The following BPTF variants were observed in gnomAD, a reference collection of about 807,000 sequenced individuals.
BPTF encodes bromodomain PHD finger transcription factor.
A neutral mutation model predicts 292.5 loss-of-function variants in BPTF; 18 were observed. The observed-to-expected ratio is 0.06, with a 90% confidence interval of 0.04 to 0.09. The LOEUF is 0.09. BPTF is among the 10% of genes least tolerant of loss of function. The pLI is 1.00. For missense variants in BPTF, 2,726 were observed against 3,498.7 expected (o/e 0.78, Z 5.57); for synonymous variants, 1,225 against 1,251.9 (o/e 0.98, Z 0.45).
chr17:67,943,348 G>T lies in BPTF; in HGVS notation c.6478-802G>T, dbSNP rs147131865. ...CATGGACTTTGCGCCATCAGTTTTGGTCATTGGGAGTTTAGGGGATGGTTT... is the reference window on the plus strand; with the variant it reads ...CATGGACTTTGCGCCATCAGTTTTGTTCATTGGGAGTTTAGGGGATGGTTT... On this transcript the variant is annotated intron_variant, in intron 19 of 27. Transcript: ENST00000306378. 3.5e-3 allele frequency among the ~76,000 whole-genome samples: 530 copies of T among 152,286 alleles called. 6 individuals carry two copies. The highest frequency in any genetic ancestry group is 0.012 in the African/African-American group (499 of 41,550).
At chr17:67,902,327 G>T (rs1426604498) in intron 7 of BPTF, among the ~76,000 whole-genome samples, 1 of 152,110 alleles carries the variant, frequency 6.6e-6, no homozygotes, top group Non-Finnish European at 1.5e-5. Flanking sequence ...CCTTTCAGAG[G>T]TGTATAGAAG....
chr17:67,888,678 T>C (rs2060907016), intron 4 of BPTF, among the ~76,000 whole-genome samples: 1 of 152,000 alleles, frequency 6.6e-6, no homozygotes, highest in African/African-American at 2.4e-5. Flanking sequence ...ACATTATGAA[T>C]TTAACTGCCT....
chr17:67,951,151 T>C (rs1462232138), intron 23 of BPTF: 2 of 152,162 alleles, frequency 1.3e-5, no homozygotes, highest in Non-Finnish European at 2.9e-5. Flanking sequence ...TAGTCATTAA[T>C]GATTACATCA....
At chr17:67,841,508 A>G (rs2057556257) in intron 1 of BPTF, among the ~76,000 whole-genome samples, 1 of 152,130 alleles carries the variant, frequency 6.6e-6, no homozygotes, top group Admixed American at 6.5e-5. Flanking sequence ...CTAGTGATAG[A>G]ATGACATATC....
At chr17:67,946,778 CAT>C (rs777256966) in intron 21 of BPTF, among the ~76,000 whole-genome samples, 9 of 152,178 alleles carry the variant, frequency 5.9e-5, no homozygotes, top group Admixed American at 2.0e-4. Context: ...TTTTTGAAAA[CAT>C]ATTATTTCAT....
In BPTF at chr17:67,948,075, C is replaced by T. The variant is rs1467569703; in HGVS notation, c.7701-6C>T. 6.2e-7 allele frequency: 1 copy of T among 1,609,120 alleles called. No individual in the cohort carries two copies. The highest frequency in any genetic ancestry group is 8.5e-7 in the Non-Finnish European group (1 of 1,175,924). ...AGCATTACATAGGTTGTGTATTTTTCTCTAGAATGATTGTCTGTAACCAGG... is the reference window on the plus strand; with the variant it reads ...AGCATTACATAGGTTGTGTATTTTTTTCTAGAATGATTGTCTGTAACCAGG... On this transcript the variant is annotated splice_region_variant and splice_polypyrimidine_tract_variant and intron_variant, in intron 22 of 27. Transcript: ENST00000306378.
intron 10 of BPTF, 106 bp downstream of exon 10, chr17:67,909,867 T>G (rs2062533875): frequency 5.3e-6 from 5 of 940,992 alleles, no homozygotes; most frequent in Non-Finnish European, 7.3e-6. Flanking sequence ...GATAACAGCT[T>G]TATCAAAACA....
intron 7 of BPTF, among the ~76,000 whole-genome samples, chr17:67,901,460 A>T (rs1271714002): frequency 6.6e-6 from 1 of 152,202 alleles, no homozygotes; most frequent in Non-Finnish European, 1.5e-5. Flanking sequence ...TAAAATTCTG[A>T]GTGGAAAAAT....
chr17:67,829,089 C>T (rs1485532669), intron 1 of BPTF, among the ~76,000 whole-genome samples: 1 of 149,064 alleles, frequency 6.7e-6, no homozygotes, highest in Admixed American at 6.8e-5. Flanking sequence ...AAAAATTGGT[C>T]TAATTGTTTT....
chr17:67,835,596 G>A (rs1027982914), intron 1 of BPTF, among the ~76,000 whole-genome samples: 8 of 150,120 alleles, frequency 5.3e-5, no homozygotes, highest in African/African-American at 1.7e-4. Flanking sequence ...TCCATTATTT[G>A]TTGTCCTTGG....
intron 1 of BPTF, among the ~76,000 whole-genome samples, chr17:67,849,286 T>C (rs756187584): frequency 3.9e-5 from 6 of 152,308 alleles, no homozygotes; most frequent in Admixed American, 6.5e-5. Context: ...TGCACCTCCA[T>C]TTCAGGGCAG....
intron 2 of BPTF, among the ~76,000 whole-genome samples, chr17:67,865,528 T>A (rs955594156): frequency 6.6e-6 from 1 of 152,184 alleles, no homozygotes; most frequent in African/African-American, 2.4e-5. Context: ...TGTCCACATA[T>A]CTTACAAGCA....
chr17:67,952,054 CAAAAAAA>C (rs56099409), intron 23 of BPTF, among the ~76,000 whole-genome samples: 3 of 71,386 alleles, frequency 4.2e-5, no homozygotes, highest in South Asian at 5.7e-4. Context: ...GACTCTGTCT[CAAAAAAA>C]AAAAAAAAAA....
Position 67,917,131 on chromosome 17 carries a change from C to CTTTTTTTTTTTTTTTTTTTT in BPTF, c.5304-1564_5304-1563insTTTTTTTTTTTTTTTTTTTT, listed in dbSNP as rs943348736. ...GATAAGTAACTAATATGGTATTGTC[C>CTTTTTTTTTTTTTTTTTTTT]TTTTTTTTTTTTTTTTTTTGAGATA... On this transcript the variant is annotated intron_variant, in intron 11 of 27. Coordinates refer to ENST00000306378, the MANE Select transcript of BPTF (RefSeq NM_182641.4). Among the ~76,000 whole-genome samples the CTTTTTTTTTTTTTTTTTTTT allele has an allele frequency of 8.1e-4, 86 of 105,780 alleles. 4 individuals are homozygous for CTTTTTTTTTTTTTTTTTTTT. Among genetic ancestry groups the CTTTTTTTTTTTTTTTTTTTT allele is most frequent in the African/African-American group, 1.2e-3 (32 of 27,632 alleles). The allele number at this position is 105,780 out of a possible 152,430, so 69.4% of individuals were successfully genotyped here.
In BPTF at chr17:67,909,726, T is replaced by C. The variant is rs141019552; in HGVS notation, c.2957T>C (p.Met986Thr). Residue 986 changes from methionine (M) to threonine (T), a missense_variant, in exon 10 of 28, where the codon ATG becomes ACG. Met to Thr is a moderately conservative substitution (Grantham distance 81). Around this residue, in one of 22 missense-constraint regions of BPTF, gnomAD observed 713 missense variants for 714.9 expected, o/e 1.00. Coordinates refer to ENST00000306378, the MANE Select transcript of BPTF (RefSeq NM_182641.4). ...GCAAAAGGAGCAGACCAAAATGAAA[T>C]GGATATCTCAAAGATTACTGAGAAG... is the stretch of plus-strand genomic sequence containing the variant. The part of the protein sequence containing the change: ...DAAKGADQNE[M>T]DISKITEKKD... 6.3e-7 allele frequency: 1 copy of C among 1,585,760 alleles called. No homozygotes were observed. The highest frequency in any genetic ancestry group is 1.4e-5 in the African/African-American group (1 of 73,492).
At chr17:67,863,451 A>T (rs1197580078) in intron 2 of BPTF, among the ~76,000 whole-genome samples, 1 of 151,980 alleles carries the variant, frequency 6.6e-6, no homozygotes, top group Admixed American at 6.6e-5. Flanking sequence ...TTCCTGGCCA[A>T]TTTTTTGTAT....
intron 1 of BPTF, among the ~76,000 whole-genome samples, chr17:67,834,233 T>G (rs1301315683): frequency 6.6e-6 from 1 of 152,214 alleles, no homozygotes; most frequent in Non-Finnish European, 1.5e-5. Context: ...TTAGCTATCC[T>G]TCTGTTACTG....
chr17:67,826,596 C>T (rs2056081909), intron 1 of BPTF, among the ~76,000 whole-genome samples: 1 of 146,688 alleles, frequency 6.8e-6, no homozygotes, highest in South Asian at 2.3e-4. Context: ...CCCCAACCCC[C>T]TTTTTTTCCT....
intron 1 of BPTF, among the ~76,000 whole-genome samples, chr17:67,849,800 G>A (rs1219713474): frequency 6.6e-6 from 1 of 152,114 alleles, no homozygotes; most frequent in Non-Finnish European, 1.5e-5. Context: ...AATTAGCCGG[G>A]CATGGTGGTG....
Sources: allele counts gnomAD v4.1 joint callset (sites outside exome capture counted in the v4.1 genomes callset), GRCh38; gene constraint gnomAD v4.1.1; regional missense constraint gnomAD v4.1.1; transcripts MANE v1.5; gene names NCBI Gene and HGNC (gene_info 2026-07-23, HGNC 2026-07-21).